SFT2D1: variants seen among roughly 807,000 people sequenced by gnomAD.
SFT2D1 encodes vesicle transport protein SFT2A.
A neutral mutation model predicts 28.1 loss-of-function variants in SFT2D1; 24 were observed. The observed-to-expected ratio is 0.85, with a 90% confidence interval of 0.62 to 1.20. SFT2D1 has a LOEUF of 1.20. Ranked by LOEUF, SFT2D1 falls within the 50% of genes most tolerant of loss-of-function variation. The probability of loss-of-function intolerance (pLI) is 0.00; values close to 1 mark genes in which losing one functional copy is unlikely to be tolerated. For synonymous variants in SFT2D1, 82 were observed against 73.7 expected (o/e 1.11, Z -0.58); for missense variants, 181 against 190.9 (o/e 0.95, Z 0.31).
chr6:166,328,624 G>A (rs1042496437), intron 3 of SFT2D1, among the ~76,000 whole-genome samples: 10 of 152,166 alleles, frequency 6.6e-5, no homozygotes, highest in South Asian at 2.1e-4. Flanking sequence ...TCCTCCCTTT[G>A]AAAGGGATCA....
chr6:166,321,400 T>TA (rs1166277434), intron 7 of SFT2D1, among the ~76,000 whole-genome samples: 1 of 152,202 alleles, frequency 6.6e-6, no homozygotes, highest in Non-Finnish European at 1.5e-5. Context: ...GAGCCTCTTG[T>TA]ATGGGACATC....
At chr6:166,328,480 AT>A (rs933566138) in intron 3 of SFT2D1, 123 bp from the exon 4 acceptor site, 298 of 502,276 alleles carry the variant, frequency 5.9e-4, no homozygotes, top group South Asian at 1.5e-3. Flanking sequence ...TCTCACTAAA[AT>A]TTTTTTTTTC....
chr6:166,324,487 G>A (rs751394140), intron 6 of SFT2D1, 50 bp downstream of exon 6: 41 of 1,563,332 alleles, frequency 2.6e-5, no homozygotes, highest in Non-Finnish European at 3.1e-5. Flanking sequence ...CAAAATGCTC[G>A]TCACGTCTCA....
At chr6:166,326,467 CAGTGTGGTGTTGGA>C (rs1778447156) in intron 4 of SFT2D1, among the ~76,000 whole-genome samples, 1 of 152,204 alleles carries the variant, frequency 6.6e-6, no homozygotes, top group African/African-American at 2.4e-5. Flanking sequence ...AAGAGGTGGG[CAGTGTGGTGTTGGA>C]AAGACCTAAA....
At position 166,322,367 on chromosome 6, in the gene SFT2D1, T is replaced by C. The variant is rs1241097359; in HGVS notation, c.440+490A>G. Among the ~76,000 whole-genome samples the C allele has an allele frequency of 2.0e-5, 3 of 152,038 alleles. No individual in the cohort carries two copies. The East Asian group carries it at 5.8e-4, about 29-fold the overall frequency. On this transcript the variant is annotated intron_variant, in intron 7 of 7. Transcript: ENST00000361731. ...CGCCAAAATGTTTCCATACAGACATTATCATGGCAAGCTGCTATTCATCTC... is the reference window on the plus strand; with the variant it reads ...CGCCAAAATGTTTCCATACAGACATCATCATGGCAAGCTGCTATTCATCTC...
chr6:166,338,753 AG>A (rs1397012200), intron 1 of SFT2D1, among the ~76,000 whole-genome samples: 2 of 152,130 alleles, frequency 1.3e-5, no homozygotes, highest in East Asian at 3.9e-4. Context: ...CAAGTGCTGC[AG>A]GAAGTCAATG....
chr6:166,320,555 C>CCT (rs1778333226), intron 7 of SFT2D1, among the ~76,000 whole-genome samples: 1 of 151,068 alleles, frequency 6.6e-6, no homozygotes, highest in South Asian at 2.1e-4. Context: ...TAACTTTTTT[C>CCT]TTTTTTTTTC....
intron 1 of SFT2D1, among the ~76,000 whole-genome samples, chr6:166,332,845 G>GT (rs1255883547): frequency 6.6e-6 from 1 of 152,174 alleles, no homozygotes; most frequent in African/African-American, 2.4e-5. Flanking sequence ...ACAAAAGCAG[G>GT]TGAGAAACAT....
At chr6:166,339,013 T>C (rs1332830929) in intron 1 of SFT2D1, among the ~76,000 whole-genome samples, 1 of 152,006 alleles carries the variant, frequency 6.6e-6, no homozygotes, top group African/African-American at 2.4e-5. Context: ...CAAGACCCAA[T>C]TCCAATGTGC....
intron 5 of SFT2D1, chr6:166,325,856 C>A: frequency 2.0e-6 from 1 of 490,440 alleles, no homozygotes; most frequent in Middle Eastern, 5.6e-4. Flanking sequence ...CTCTATGCTG[C>A]AGACAGTAGA....
intron 1 of SFT2D1, among the ~76,000 whole-genome samples, chr6:166,338,856 G>A (rs1283340749): frequency 6.6e-6 from 1 of 152,104 alleles, no homozygotes; most frequent in Non-Finnish European, 1.5e-5. Flanking sequence ...CATCTCGAAG[G>A]AGAGGTCCCA....
chr6:166,339,009 C>T (rs1055542216), intron 1 of SFT2D1, among the ~76,000 whole-genome samples: 1 of 152,096 alleles, frequency 6.6e-6, no homozygotes, highest in African/African-American at 2.4e-5. Context: ...CTGTCAAGAC[C>T]CAATTCCAAT....
chr6:166,326,044 G>A, intron 5 of SFT2D1, 88 bp downstream of exon 5: 2 of 1,219,156 alleles, frequency 1.6e-6, no homozygotes, highest in East Asian at 4.7e-5. Context: ...AAACAGATGA[G>A]CTATTTTAAG....
chr6:166,325,216 TAAGAA>T (rs1380843926), intron 5 of SFT2D1, among the ~76,000 whole-genome samples: 2 of 152,248 alleles, frequency 1.3e-5, no homozygotes, highest in African/African-American at 4.8e-5. Context: ...CTTTTATCAT[TAAGAA>T]ATGACACGTA....
chr6:166,335,132 C>A, intron 1 of SFT2D1: 1 of 600,908 alleles, frequency 1.7e-6, no homozygotes, highest in South Asian at 1.4e-5. Context: ...CAAGAGATGG[C>A]TAGTGCTTTA....
At chr6:166,322,034 C>A (rs1281082101) in intron 7 of SFT2D1, among the ~76,000 whole-genome samples, 1 of 152,168 alleles carries the variant, frequency 6.6e-6, no homozygotes, top group Non-Finnish European at 1.5e-5. Flanking sequence ...CAGGCGCCCA[C>A]ACCACACCCA....
chr6:166,321,147 CTG>C (rs1778347772), intron 7 of SFT2D1, among the ~76,000 whole-genome samples: 1 of 151,878 alleles, frequency 6.6e-6, no homozygotes, highest in Non-Finnish European at 1.5e-5. Context: ...AGTTTCAAAA[CTG>C]TAATGTTTAT....
Position 166,326,019 on chromosome 6 carries a change from TAG to T in SFT2D1, c.351+111_351+112del, listed in dbSNP as rs1251549691. The T allele has an allele frequency of 8.5e-6, 9 of 1,054,330 alleles. No individual in the cohort carries two copies. The Admixed American group carries it at 1.5e-4, about 18-fold the overall frequency. The allele number at this position is 1,054,330 out of a possible 1,614,324, so 65.3% of individuals were successfully genotyped here. Reference sequence around the variant, plus strand: ...TCAAATTTTAGGAACACCTAATCTTTAGAGAGTTTTAAAAAAACAGATGAGCT... The same window carrying T: ...TCAAATTTTAGGAACACCTAATCTTTAGAGTTTTAAAAAAACAGATGAGCT... On this transcript the variant is annotated intron_variant, in intron 5 of 7. Coordinates refer to ENST00000361731, the MANE Select transcript of SFT2D1 (RefSeq NM_145169.3).
intron 5 of SFT2D1, among the ~76,000 whole-genome samples, chr6:166,324,997 T>C (rs1056543331): frequency 6.6e-6 from 1 of 152,228 alleles, no homozygotes; most frequent in Admixed American, 6.5e-5. Context: ...CATTTGCTCC[T>C]TGAGTGATAT....
Sources: allele counts gnomAD v4.1 joint callset (sites outside exome capture counted in the v4.1 genomes callset), GRCh38; gene constraint gnomAD v4.1.1; transcripts MANE v1.5; gene names NCBI Gene and HGNC (gene_info 2026-07-23, HGNC 2026-07-21).